SNAP25: variants seen among roughly 807,000 people sequenced by gnomAD.
The protein encoded by SNAP25 is synaptosome associated protein 25, also known as synaptosomal-associated protein 25.
In SNAP25, 3 loss-of-function variants were observed where a neutral mutation model predicts 28.7. The observed-to-expected ratio is 0.10, with a 90% confidence interval of 0.05 to 0.27. The LOEUF is 0.27. Ranked by LOEUF, SNAP25 falls within the 10% of genes least tolerant of loss-of-function variation. The pLI is 1.00. For missense variants in SNAP25, 117 were observed against 278.7 expected (o/e 0.42, Z 4.13); for synonymous variants, 61 against 88.1 (o/e 0.69, Z 1.72).
At position 10,268,984 on chromosome 20, in the gene SNAP25, A is replaced by G. The variant is rs544765049; in HGVS notation, c.-63-6445A>G. ...AGTTAGAAATTGTTTTGAGGGCCACAAGGGCACCCTATAACCTTGCAATCA... is the reference window on the plus strand; with the variant it reads ...AGTTAGAAATTGTTTTGAGGGCCACGAGGGCACCCTATAACCTTGCAATCA... On this transcript the variant is annotated intron_variant, in intron 1 of 7. Coordinates refer to ENST00000254976, the MANE Select transcript of SNAP25 (RefSeq NM_130811.4). Among the ~76,000 whole-genome samples, 3 of 127,946 alleles carry G rather than the reference A, an allele frequency of 2.3e-5. No individual in the cohort carries two copies. The East Asian group carries it at 6.2e-4, about 26-fold the overall frequency. The allele number at this position is 127,946 out of a possible 152,430, so 83.9% of individuals were successfully genotyped here.
chr20:10,305,566 C>T (rs1006516914), intron 7 of SNAP25, among the ~76,000 whole-genome samples: 1 of 152,108 alleles, frequency 6.6e-6, no homozygotes, highest in Non-Finnish European at 1.5e-5. Context: ...AAGAAATTCA[C>T]ACAAAAGTGG....
At chr20:10,250,921 A>G (rs910993705) in intron 1 of SNAP25, among the ~76,000 whole-genome samples, 1 of 152,248 alleles carries the variant, frequency 6.6e-6, no homozygotes, top group African/African-American at 2.4e-5. Context: ...GCAATAGGCT[A>G]TACCATATAG....
At chr20:10,273,802 A>G (rs1320886476) in intron 1 of SNAP25, among the ~76,000 whole-genome samples, 5 of 152,196 alleles carry the variant, frequency 3.3e-5, no homozygotes, top group Admixed American at 3.3e-4. Context: ...CCGCTACAAG[A>G]CAAGAGCCCA....
intron 3 of SNAP25, among the ~76,000 whole-genome samples, chr20:10,279,575 T>C (rs986455050): frequency 1.3e-5 from 2 of 152,216 alleles, no homozygotes; most frequent in African/African-American, 4.8e-5. Flanking sequence ...ATGGTCACTT[T>C]TTCATGTATC....
Position 10,256,859 on chromosome 20 carries a change from C to A in SNAP25, c.-63-18570C>A, listed in dbSNP as rs79132378. ...ATATGTTATGTGAGGGAACATCATG[C>A]AGTCATTAAAAATGTCATTTGAGCA... On this transcript the variant is annotated intron_variant, in intron 1 of 7. Coordinates refer to ENST00000254976, the MANE Select transcript of SNAP25 (RefSeq NM_130811.4). Among the ~76,000 whole-genome samples, 172 of 152,210 alleles carry A rather than the reference C, an allele frequency of 1.1e-3. 4 individuals are homozygous for A. In the East Asian group the frequency reaches 0.03, roughly 27 times the overall value.
At chr20:10,300,633 G>A (rs2064214232) in intron 7 of SNAP25, among the ~76,000 whole-genome samples, 1 of 152,130 alleles carries the variant, frequency 6.6e-6, no homozygotes, top group Admixed American at 6.6e-5. Flanking sequence ...CTTGAAAAAG[G>A]AGTAAGTAGG....
intron 1 of SNAP25, among the ~76,000 whole-genome samples, chr20:10,221,892 A>G (rs1377825433): frequency 6.6e-6 from 1 of 152,262 alleles, no homozygotes; most frequent in Non-Finnish European, 1.5e-5. Context: ...ATAATCTGAG[A>G]AAGAGGTTGA....
intron 7 of SNAP25, among the ~76,000 whole-genome samples, chr20:10,300,635 G>A (rs1033975324): frequency 6.6e-6 from 1 of 152,156 alleles, no homozygotes; most frequent in Admixed American, 6.5e-5. Flanking sequence ...TGAAAAAGGA[G>A]TAAGTAGGCA....
At chr20:10,299,066 T>C (rs2064175841) in intron 6 of SNAP25, among the ~76,000 whole-genome samples, 1 of 151,828 alleles carries the variant, frequency 6.6e-6, no homozygotes, top group Non-Finnish European at 1.5e-5. Flanking sequence ...TCTTTAAGAA[T>C]AGAAATTCAA....
chr20:10,291,255 T>C (rs1471488339), intron 4 of SNAP25, among the ~76,000 whole-genome samples: 1 of 152,112 alleles, frequency 6.6e-6, no homozygotes, highest in Non-Finnish European at 1.5e-5. Flanking sequence ...TTTGTATTTT[T>C]AGTAGAAACA....
chr20:10,247,219 A>G (rs1044934323), intron 1 of SNAP25, among the ~76,000 whole-genome samples: 4 of 152,220 alleles, frequency 2.6e-5, no homozygotes, highest in Non-Finnish European at 5.9e-5. Context: ...TCTTCCCAGA[A>G]GGCTGCCCCT....
intron 4 of SNAP25, among the ~76,000 whole-genome samples, chr20:10,289,545 T>C (rs1324341981): frequency 6.6e-6 from 1 of 151,846 alleles, no homozygotes; most frequent in South Asian, 2.1e-4. Context: ...TCTCTCTAGC[T>C]AAAGTCCATT....
In SNAP25 at chr20:10,277,675, T is replaced by G; in HGVS notation, c.73-10T>G. ...ATAAAGTTTATGTTTGTTTGTTTTTTAAATCTTAGTCGCTGGAAAGCACCC... is the reference window on the plus strand; with the variant it reads ...ATAAAGTTTATGTTTGTTTGTTTTTGAAATCTTAGTCGCTGGAAAGCACCC... On this transcript the variant is annotated splice_polypyrimidine_tract_variant and intron_variant, in intron 2 of 7. Coordinates refer to ENST00000254976, the MANE Select transcript of SNAP25 (RefSeq NM_130811.4). 1 of 1,612,744 alleles carries G rather than the reference T, an allele frequency of 6.2e-7. No homozygotes were observed. The highest frequency in any genetic ancestry group is 8.5e-7 in the Non-Finnish European group (1 of 1,179,610).
intron 1 of SNAP25, among the ~76,000 whole-genome samples, chr20:10,246,537 C>A (rs942897398): frequency 6.6e-6 from 1 of 152,142 alleles, no homozygotes; most frequent in Non-Finnish European, 1.5e-5. Context: ...GGCTACCCAC[C>A]ATCCCCAGGG....
At position 10,250,143 on chromosome 20, in the gene SNAP25, T is replaced by G. The variant is rs142381016; in HGVS notation, c.-63-25286T>G. On this transcript the variant is annotated intron_variant, in intron 1 of 7. Coordinates refer to ENST00000254976, the MANE Select transcript of SNAP25 (RefSeq NM_130811.4). Reference sequence around the variant, plus strand: ...TGTCAGACCTTTTCAAGATCTCTGTTTCCGTCATTCCCTTTCAAAATTATA... The same window carrying G: ...TGTCAGACCTTTTCAAGATCTCTGTGTCCGTCATTCCCTTTCAAAATTATA... Among the ~76,000 whole-genome samples the G allele has an allele frequency of 1.1e-3, 172 of 152,356 alleles. 2 individuals carry two copies. In the East Asian group the frequency reaches 0.032, roughly 29 times the overall value.
chr20:10,301,122 GT>G (rs991613088), intron 7 of SNAP25, among the ~76,000 whole-genome samples: 6 of 152,226 alleles, frequency 3.9e-5, no homozygotes, highest in African/African-American at 1.4e-4. Flanking sequence ...TATTGACAGA[GT>G]TGAACTTTAA....
chr20:10,287,925 C>T (rs937030703), intron 4 of SNAP25, among the ~76,000 whole-genome samples: 7 of 151,956 alleles, frequency 4.6e-5, no homozygotes, highest in Middle Eastern at 3.4e-3. Context: ...AATCAAACAC[C>T]GCATATTCTC....
chr20:10,288,150 A>G (rs1404254138), intron 4 of SNAP25, among the ~76,000 whole-genome samples: 1 of 152,102 alleles, frequency 6.6e-6, no homozygotes, highest in Non-Finnish European at 1.5e-5. Context: ...CCTAAAACTT[A>G]AAGTATAATA....
At chr20:10,287,223 C>G (rs1312416371) in intron 4 of SNAP25, among the ~76,000 whole-genome samples, 1 of 151,920 alleles carries the variant, frequency 6.6e-6, no homozygotes, top group Non-Finnish European at 1.5e-5. Flanking sequence ...GAACAGGCAA[C>G]CTACAAAATG....
Sources: gnomAD v4.1 joint callset for allele counts (sites outside exome capture counted in the v4.1 genomes callset) on GRCh38, gnomAD v4.1.1 for gene constraint, MANE v1.5 for transcripts, NCBI Gene and HGNC (gene_info 2026-07-23, HGNC 2026-07-21) for gene names.